Variants in FGGY observed in about 807,000 individuals in gnomAD.
FGGY encodes FGGY carbohydrate kinase domain containing.
Under a neutral mutation model 71.3 loss-of-function variants are expected in FGGY, and 72 were observed. The ratio of observed to expected loss-of-function variants is 1.01; its 90% CI spans 0.84 to 1.23. FGGY has a LOEUF of 1.23. Ranked by LOEUF, FGGY falls within the 50% of genes most tolerant of loss-of-function variation. The pLI, the probability that FGGY is intolerant of heterozygous loss-of-function variation, is 0.00. For synonymous variants in FGGY, 251 were observed against 250.3 expected (o/e 1.00, Z -0.02); for missense variants, 668 against 682.3 (o/e 0.98, Z 0.23).
intron 9 of FGGY, among the ~76,000 whole-genome samples, chr1:59,622,212 A>T (rs2096816700): frequency 6.6e-6 from 1 of 152,038 alleles, no homozygotes; most frequent in Non-Finnish European, 1.5e-5. Context: ...TAACTATGAG[A>T]ATATTTTTCT....
chr1:59,465,808 G>T (rs2092587140), intron 6 of FGGY, among the ~76,000 whole-genome samples: 1 of 152,140 alleles, frequency 6.6e-6, no homozygotes, highest in Non-Finnish European at 1.5e-5. Context: ...AGGATGTGAA[G>T]TACCTCTTCA....
At chr1:59,746,803 A>G (rs1212446903) in intron 14 of FGGY, among the ~76,000 whole-genome samples, 1 of 152,148 alleles carries the variant, frequency 6.6e-6, no homozygotes, top group Non-Finnish European at 1.5e-5. Flanking sequence ...TAAAATTTCC[A>G]TTTTTAAAAT....
intron 14 of FGGY, chr1:59,697,525 A>T: frequency 2.1e-6 from 1 of 469,820 alleles, no homozygotes; most frequent in Non-Finnish European, 4.1e-6. Context: ...CACGTATCAG[A>T]ATTTCCTTCC....
chr1:59,644,411 A>C (rs1201177203), intron 11 of FGGY, among the ~76,000 whole-genome samples: 1 of 152,134 alleles, frequency 6.6e-6, no homozygotes, highest in East Asian at 1.9e-4. Flanking sequence ...GAGGTGGAGG[A>C]GGTGGGGGAT....
intron 14 of FGGY, among the ~76,000 whole-genome samples, chr1:59,722,419 G>A (rs1047784597): frequency 5.9e-5 from 9 of 152,330 alleles, no homozygotes; most frequent in South Asian, 2.1e-4. Flanking sequence ...AGGAGTGAGT[G>A]AGAAGTAAGT....
At chr1:59,351,074 G>T (rs1378030126) in intron 4 of FGGY, among the ~76,000 whole-genome samples, 1 of 152,190 alleles carries the variant, frequency 6.6e-6, no homozygotes, top group African/African-American at 2.4e-5. Context: ...ATGATATTTT[G>T]TGACTTATGA....
chr1:59,430,894 C>T (rs1434208771), intron 5 of FGGY, among the ~76,000 whole-genome samples: 1 of 152,222 alleles, frequency 6.6e-6, no homozygotes, highest in Non-Finnish European at 1.5e-5. Context: ...GACCCATAGA[C>T]ACCCTAGGCT....
At chr1:59,670,351 A>G (rs775330967) in intron 13 of FGGY, among the ~76,000 whole-genome samples, 1 of 152,242 alleles carries the variant, frequency 6.6e-6, no homozygotes, top group Non-Finnish European at 1.5e-5. Flanking sequence ...GTATTGCTCT[A>G]GTTTTCCTAC....
intron 7 of FGGY, among the ~76,000 whole-genome samples, chr1:59,515,064 CT>C (rs934462514): frequency 2.0e-5 from 3 of 151,914 alleles, no homozygotes; most frequent in Non-Finnish European, 4.4e-5. Context: ...TGAGTTAAGA[CT>C]TTGGAGGACT....
intron 14 of FGGY, among the ~76,000 whole-genome samples, chr1:59,742,199 C>T (rs574772097): frequency 2.0e-5 from 3 of 152,180 alleles, no homozygotes; most frequent in Non-Finnish European, 4.4e-5. Flanking sequence ...TCCTCACTAC[C>T]ATGATTTTTC....
At chr1:59,585,929 G>A (rs1420318780) in intron 8 of FGGY, among the ~76,000 whole-genome samples, 1 of 152,184 alleles carries the variant, frequency 6.6e-6, no homozygotes, top group Non-Finnish European at 1.5e-5. Context: ...ATCATCACTG[G>A]CCATCAGAAA....
chr1:59,569,587 G>T (rs758074823), intron 8 of FGGY, among the ~76,000 whole-genome samples: 5 of 152,138 alleles, frequency 3.3e-5, no homozygotes, highest in Non-Finnish European at 5.9e-5. Context: ...GAGAAAGTGG[G>T]TCCCACGAAC....
intron 3 of FGGY, among the ~76,000 whole-genome samples, chr1:59,341,572 T>C (rs1314242996): frequency 6.6e-6 from 1 of 152,214 alleles, no homozygotes; most frequent in African/African-American, 2.4e-5. Flanking sequence ...TTCCAAGCCC[T>C]GTCTTAGCAA....
At chr1:59,734,215 C>A (rs983691733) in intron 14 of FGGY, among the ~76,000 whole-genome samples, 1 of 152,092 alleles carries the variant, frequency 6.6e-6, no homozygotes. Flanking sequence ...TGAATAAGTT[C>A]TTTTCTGAGA....
intron 4 of FGGY, among the ~76,000 whole-genome samples, chr1:59,368,707 T>C (rs1379514579): frequency 6.6e-6 from 1 of 152,228 alleles, no homozygotes; most frequent in African/African-American, 2.4e-5. Flanking sequence ...TCTGCAGAAC[T>C]AGACTAAAAA....
intron 5 of FGGY, among the ~76,000 whole-genome samples, chr1:59,446,434 T>C (rs2071263356): frequency 1.3e-5 from 2 of 152,162 alleles, no homozygotes; most frequent in South Asian, 4.1e-4. Context: ...TTTCAGCCTG[T>C]CACGGGCCTG....
At chr1:59,627,915 C>T (rs146146008) in intron 10 of FGGY, among the ~76,000 whole-genome samples, 59 of 152,124 alleles carry the variant, frequency 3.9e-4, no homozygotes, top group Middle Eastern at 3.4e-3. Context: ...TAAACGAGGA[C>T]GAAATGACAG....
At chr1:59,701,120 G>A (rs1254906617) in intron 14 of FGGY, among the ~76,000 whole-genome samples, 1 of 152,194 alleles carries the variant, frequency 6.6e-6, no homozygotes, top group Non-Finnish European at 1.5e-5. Context: ...CACTGGGAGT[G>A]CTGGGGATAG....
chr1:59,419,483 T>C (rs938910943), intron 5 of FGGY, among the ~76,000 whole-genome samples: 1 of 152,150 alleles, frequency 6.6e-6, no homozygotes, highest in Non-Finnish European at 1.5e-5. Context: ...TTGGATATGC[T>C]CTTTTTATAT....
Sources: allele counts gnomAD v4.1 joint callset (sites outside exome capture counted in the v4.1 genomes callset), GRCh38; gene constraint gnomAD v4.1.1; transcripts MANE v1.5; gene names NCBI Gene and HGNC (gene_info 2026-07-23, HGNC 2026-07-21).